Variants in KIF14 observed in about 807,000 individuals in gnomAD.
The protein encoded by KIF14 is kinesin family member 14.
KIF14 carries 98 observed loss-of-function variants against 176.2 expected under a neutral mutation model. The observed-to-expected ratio is 0.56, with a 90% CI of 0.47 to 0.66. The LOEUF is 0.66. KIF14 is among the 30% of genes least tolerant of loss of function. The pLI is 0.00. For synonymous variants in KIF14, 566 were observed against 632.2 expected, an observed-to-expected ratio of 0.90 and a Z score of 1.57; for missense variants, 1,751 against 1,920.4, an observed-to-expected ratio of 0.91 and a Z score of 1.65.
intron 14 of KIF14, 21 bp from the exon 15 acceptor site, chr1:200,593,790 T>G (rs1199213810): frequency 7.2e-7 from 1 of 1,389,480 alleles, no homozygotes; most frequent in Non-Finnish European, 1.0e-6. Flanking sequence ...AAGAAGCACA[T>G]AGTTAACAAT....
chr1:200,559,868 T>C (rs892992423), intron 26 of KIF14, among the ~76,000 whole-genome samples: 2 of 152,036 alleles, frequency 1.3e-5, no homozygotes, highest in Non-Finnish European at 2.9e-5. Context: ...TATTCTCCTA[T>C]CTCAGCCTCC....
In KIF14 at chr1:200,618,636, G is replaced by A. The variant is rs936413897; in HGVS notation, c.88C>T (p.Leu30Phe). The A allele has an allele frequency of 6.8e-6, 11 of 1,613,854 alleles. No individual in the cohort carries two copies. Among genetic ancestry groups the A allele is most frequent in the Non-Finnish European group, 6.8e-6 (8 of 1,180,014 alleles). Residue 30 changes from leucine to phenylalanine, a missense_variant, in exon 2 of 30, where the codon CTC becomes TTC. Coordinates refer to ENST00000367350, the MANE Select transcript of KIF14 (RefSeq NM_014875.3). ...SSQNSSSLNALTHSSRLKLHL... is the reference protein window; with the variant it reads ...SSQNSSSLNAFTHSSRLKLHL... ...AGCTTAAGTCGGCTACTGTGGGTGA[G>A]GGCATTCAGTGATGAACTATTTTGG...
rs1227790877 is a variant in KIF14 at position 200,565,388 on chromosome 1, G to C, written c.3886+57C>G. ...GCCAAATAATCACTCAAAACAAAGT[G>C]CAATGTGCAGAAAATAATCATTTAT... On this transcript the variant is annotated intron_variant, in intron 24 of 29. Coordinates refer to ENST00000367350, the MANE Select transcript of KIF14 (RefSeq NM_014875.3). 2.1e-6 allele frequency: 3 copies of C among 1,447,798 alleles called. No homozygotes were observed. In the South Asian group the frequency reaches 4.0e-5, roughly 19 times the overall value. The allele number at this position is 1,447,798 out of a possible 1,614,324, so 89.7% of individuals were successfully genotyped here.
At chr1:200,581,097 G>T (rs1658416722) in intron 20 of KIF14, 104 bp downstream of exon 20, 1 of 563,588 alleles carries the variant, frequency 1.8e-6, no homozygotes, top group Non-Finnish European at 2.8e-6. Context: ...CTGGGCAACA[G>T]AGCAAGACTC....
chr1:200,613,321 T>C (rs1660250154), intron 4 of KIF14, among the ~76,000 whole-genome samples: 1 of 152,210 alleles, frequency 6.6e-6, no homozygotes, highest in South Asian at 2.1e-4. Flanking sequence ...CTCCCTGGAA[T>C]ATCCTTCTCC....
chr1:200,584,634 C>A (rs937264609), intron 19 of KIF14, among the ~76,000 whole-genome samples: 1 of 152,056 alleles, frequency 6.6e-6, no homozygotes, highest in East Asian at 1.9e-4. Context: ...GTGCAAAAAA[C>A]CTTTGACAAA....
intron 26 of KIF14, among the ~76,000 whole-genome samples, chr1:200,559,885 G>A (rs1657037355): frequency 6.6e-6 from 1 of 151,958 alleles, no homozygotes; most frequent in Non-Finnish European, 1.5e-5. Context: ...CTCCTGAGTA[G>A]CTGGGATTAC....
rs187774838 is a variant in KIF14, at chr1:200,589,570, A to G, written c.2962-201T>C. Among the ~76,000 whole-genome samples, 282 of 151,894 alleles carry G rather than the reference A, an allele frequency of 1.9e-3. 1 individual carries two copies. Among genetic ancestry groups the G allele is most frequent in the African/African-American group, 6.6e-3 (272 of 41,438 alleles). On this transcript the variant is annotated intron_variant, in intron 17 of 29. Coordinates refer to ENST00000367350, the MANE Select transcript of KIF14 (RefSeq NM_014875.3). ...GGCTTCTGGGAACCCAAGATTTCCA[A>G]TAAACCATGGAGACAGCCATGACTC...
Position 200,618,531 on chromosome 1 carries a change from T to C in KIF14, c.193A>G (p.Arg65Gly). ...RSAGKVRDINRTYVISASRKT... is the reference protein window; with the variant it reads ...RSAGKVRDINGTYVISASRKT... ...CTACTGGCAGAAATAACATAAGTTC[T>C]ATTTATGTCTCTGACTTTACCTGCA... The change falls in exon 2 of 30, where the codon AGA (arginine) becomes GGA (glycine). Residue 65 changes from arginine to glycine, a missense_variant. By Grantham distance (125) the Arg-to-Gly change is moderately radical (BLOSUM62 -2). Transcript: ENST00000367350. 1.2e-6 allele frequency: 2 copies of C among 1,613,894 alleles called. No individual in the cohort carries two copies. The highest frequency in any genetic ancestry group is 1.7e-6 in the Non-Finnish European group (2 of 1,179,730).
rs150703642 is a variant in KIF14, at chr1:200,603,842, T to C, written c.1860A>G (p.Leu620=). Residue 620 remains leucine (L), a synonymous_variant, in exon 9 of 30, where the codon CTA becomes CTG. Transcript: ENST00000367350. Reference sequence around the variant, plus strand: ...GGAGAAAAAGCATTCCATTTACCTTTAGTCGATCTCCATTAGTGTGAGCCG... The same window carrying C: ...GGAGAAAAAGCATTCCATTTACCTTCAGTCGATCTCCATTAGTGTGAGCCG... The part of the protein sequence containing the change: ...CSTAHTNGDR[L]KEGVSINKSL... 367 of 1,574,416 alleles carry C rather than the reference T, an allele frequency of 2.3e-4. 3 individuals carry two copies. The African/African-American group carries it at 4.6e-3, about 20-fold the overall frequency.
In KIF14 at chr1:200,554,464, A is replaced by G; in HGVS notation, c.4567+4T>C. On this transcript the variant is annotated splice_donor_region_variant and intron_variant, in intron 29 of 29. Coordinates refer to ENST00000367350, the MANE Select transcript of KIF14 (RefSeq NM_014875.3). ...GATTATAAACTCCATTTGGAGAATC[A>G]TACCTTTCAGTGCAGAAATAATAAT... is the stretch of plus-strand genomic sequence containing the variant. The G allele has an allele frequency of 1.3e-6, 2 of 1,506,360 alleles. No individual in the cohort carries two copies. Among genetic ancestry groups the G allele is most frequent in the South Asian group, 2.4e-5 (2 of 83,488 alleles). 93.3% of individuals were successfully genotyped at this position (1,506,360 alleles called of 1,614,324 possible).
chr1:200,593,183 A>G (rs1313237245), intron 15 of KIF14, among the ~76,000 whole-genome samples: 1 of 152,208 alleles, frequency 6.6e-6, no homozygotes, highest in Non-Finnish European at 1.5e-5. Context: ...TATATACACA[A>G]ATTATTATTT....
At chr1:200,575,000 C>A (rs890446907) in intron 22 of KIF14, among the ~76,000 whole-genome samples, 11 of 134,294 alleles carry the variant, frequency 8.2e-5, no homozygotes, top group Admixed American at 7.0e-4. Context: ...TGGAGTGCAG[C>A]GGCTGGAGTG....
intron 18 of KIF14, among the ~76,000 whole-genome samples, chr1:200,586,961 G>A (rs554076888): frequency 2.4e-4 from 37 of 152,248 alleles, no homozygotes; most frequent in Admixed American, 1.4e-3. Context: ...TGACAGCTAA[G>A]CTATGGGTAT....
At chr1:200,606,339 T>C (rs1659879210) in intron 6 of KIF14, among the ~76,000 whole-genome samples, 1 of 152,180 alleles carries the variant, frequency 6.6e-6, no homozygotes, top group South Asian at 2.1e-4. Context: ...AAATGACTCC[T>C]AGCATGCATC....
chr1:200,593,591 A>T (rs1477756585), intron 15 of KIF14, 76 bp downstream of exon 15: 1 of 973,602 alleles, frequency 1.0e-6, no homozygotes, highest in African/African-American at 1.6e-5. Flanking sequence ...CTTATAGAGA[A>T]AACCAGAACT....
At chr1:200,586,278 G>GA (rs777963271) in intron 18 of KIF14, 51 bp from the exon 19 acceptor site, 1 of 1,444,808 alleles carries the variant, frequency 6.9e-7, no homozygotes, top group Non-Finnish European at 9.3e-7. Context: ...TGCAAAGAGA[G>GA]AAACTATAAC....
intron 25 of KIF14, among the ~76,000 whole-genome samples, chr1:200,562,117 A>G (rs1394416721): frequency 6.6e-6 from 1 of 152,254 alleles, no homozygotes. Context: ...TATTGCTACA[A>G]GAAAAGGATT....
intron 19 of KIF14, among the ~76,000 whole-genome samples, chr1:200,584,962 C>A (rs1046897791): frequency 4.6e-5 from 7 of 152,018 alleles, no homozygotes; most frequent in African/African-American, 1.7e-4. Flanking sequence ...ATAACACCAC[C>A]AAAAGTGAAA....
Sources: allele counts gnomAD v4.1 joint callset (sites outside exome capture counted in the v4.1 genomes callset), GRCh38; gene constraint gnomAD v4.1.1; transcripts MANE v1.5; gene names NCBI Gene and HGNC (gene_info 2026-07-23, HGNC 2026-07-21).